Variants in MEF2A observed in about 807,000 individuals in gnomAD.
MEF2A encodes the protein myocyte-specific enhancer factor 2A.
A neutral mutation model predicts 55.8 loss-of-function variants in MEF2A; 28 were observed. That is an observed-to-expected ratio of 0.50 (90% CI 0.37 to 0.69). The LOEUF (loss-of-function observed/expected upper bound fraction) is 0.69, where lower values mean the gene tolerates loss of function less well. Among genes scored for constraint, MEF2A ranks in the 30% least tolerant of loss-of-function variants. The pLI is 0.00. For missense variants in MEF2A, 528 were observed against 626.2 expected (o/e 0.84, Z 1.67); for synonymous variants, 239 against 227.1 (o/e 1.05, Z -0.47).
chr15:99,628,035 A>AC (rs2042319570), intron 2 of MEF2A, among the ~76,000 whole-genome samples: 1 of 152,218 alleles, frequency 6.6e-6, no homozygotes, highest in African/African-American at 2.4e-5. Flanking sequence ...TACTTGAAAT[A>AC]ATGGGAAATA....
chr15:99,603,231 GT>G (rs1973917539), intron 2 of MEF2A, among the ~76,000 whole-genome samples: 1 of 151,870 alleles, frequency 6.6e-6, no homozygotes, highest in African/African-American at 2.4e-5. Flanking sequence ...CAAATATTTG[GT>G]TAATTTTCCA....
chr15:99,584,197 A>G (rs902555392), intron 1 of MEF2A, among the ~76,000 whole-genome samples: 2 of 152,212 alleles, frequency 1.3e-5, no homozygotes, highest in Non-Finnish European at 2.9e-5. Flanking sequence ...TATGTGGTTC[A>G]TTACTGACTG....
intron 1 of MEF2A, among the ~76,000 whole-genome samples, chr15:99,575,427 T>C (rs1963958982): frequency 6.6e-6 from 1 of 152,224 alleles, no homozygotes; most frequent in African/African-American, 2.4e-5. Context: ...CAGGTGCTTC[T>C]TTGTAATTAG....
intron 5 of MEF2A, 134 bp from the exon 6 acceptor site, chr15:99,674,259 G>A: frequency 1.4e-6 from 1 of 700,852 alleles, no homozygotes; most frequent in Non-Finnish European, 2.3e-6. Context: ...GCTTTAATCT[G>A]TAAATTGGTT....
intron 4 of MEF2A, among the ~76,000 whole-genome samples, chr15:99,666,058 A>G (rs2049621256): frequency 6.6e-6 from 1 of 152,132 alleles, no homozygotes; most frequent in Non-Finnish European, 1.5e-5. Context: ...AACTAGAAAT[A>G]CCATTTGACC....
At chr15:99,626,414 A>G (rs1019744721) in intron 2 of MEF2A, among the ~76,000 whole-genome samples, 2 of 151,476 alleles carry the variant, frequency 1.3e-5, no homozygotes, top group Non-Finnish European at 2.9e-5. Context: ...TTGAAGAATC[A>G]ACTTTTGGCT....
chr15:99,629,383 G>A (rs1358515883), intron 2 of MEF2A, among the ~76,000 whole-genome samples: 2 of 152,380 alleles, frequency 1.3e-5, no homozygotes, highest in Middle Eastern at 3.4e-3. Flanking sequence ...GGGCACGAGA[G>A]CCTTTATTCC....
chr15:99,612,915 GAAA>G (rs80233565), intron 2 of MEF2A, among the ~76,000 whole-genome samples: 2 of 133,014 alleles, frequency 1.5e-5, no homozygotes, highest in African/African-American at 2.8e-5. Flanking sequence ...TTTAGCAAGT[GAAA>G]AAAAAAAAAG....
chr15:99,590,415 G>C (rs980932254), intron 1 of MEF2A, among the ~76,000 whole-genome samples: 1 of 147,534 alleles, frequency 6.8e-6, no homozygotes, highest in Non-Finnish European at 1.5e-5. Context: ...TACTTAATCT[G>C]ACAATCTCTA....
intron 7 of MEF2A, 40 bp downstream of exon 7, chr15:99,675,498 C>T (rs779840466): frequency 1.3e-6 from 2 of 1,522,172 alleles, no homozygotes; most frequent in Non-Finnish European, 1.8e-6. Flanking sequence ...AGGTATCTAT[C>T]CTATATGAGA....
At chr15:99,639,159 G>A (rs2044435525) in intron 3 of MEF2A, among the ~76,000 whole-genome samples, 1 of 152,118 alleles carries the variant, frequency 6.6e-6, no homozygotes, top group African/African-American at 2.4e-5. Flanking sequence ...ACATATGTCA[G>A]TGCTGACACA....
intron 8 of MEF2A, among the ~76,000 whole-genome samples, chr15:99,697,730 C>T (rs1405733597): frequency 6.6e-6 from 1 of 152,052 alleles, no homozygotes; most frequent in African/African-American, 2.4e-5. Flanking sequence ...CAAGCTGATT[C>T]TAAAATATAT....
At chr15:99,655,218 T>G (rs2047505992) in intron 4 of MEF2A, among the ~76,000 whole-genome samples, 1 of 152,154 alleles carries the variant, frequency 6.6e-6, no homozygotes, top group African/African-American at 2.4e-5. Context: ...TACCCACATA[T>G]ACATGGTTAA....
intron 9 of MEF2A, among the ~76,000 whole-genome samples, chr15:99,703,823 C>T (rs748686072): frequency 6.6e-6 from 1 of 152,088 alleles, no homozygotes; most frequent in Non-Finnish European, 1.5e-5. Flanking sequence ...CCTTTTTCAG[C>T]GTTGGAATTA....
intron 10 of MEF2A, among the ~76,000 whole-genome samples, 190 bp downstream of exon 10, chr15:99,707,045 T>C (rs1444777981): frequency 3.3e-5 from 5 of 152,310 alleles, no homozygotes; most frequent in Admixed American, 2.6e-4. Flanking sequence ...GTGTGGATAG[T>C]GCGATGAGTA....
intron 2 of MEF2A, among the ~76,000 whole-genome samples, chr15:99,618,299 T>C (rs967736226): frequency 6.6e-6 from 1 of 152,204 alleles, no homozygotes; most frequent in South Asian, 2.1e-4. Context: ...GACTGGCTTA[T>C]ATTCTTGAAA....
chr15:99,664,626 G>GA (rs1596962810), intron 4 of MEF2A, among the ~76,000 whole-genome samples: 1 of 152,154 alleles, frequency 6.6e-6, no homozygotes, highest in African/African-American at 2.4e-5. Context: ...GGGGACAGTA[G>GA]AAATGGAAAT....
chr15:99,634,039 A>G (rs547176013), intron 3 of MEF2A, among the ~76,000 whole-genome samples: 11 of 152,356 alleles, frequency 7.2e-5, no homozygotes, highest in Middle Eastern at 3.4e-3. Flanking sequence ...ATTTCATAGC[A>G]TATTATAAAG....
intron 8 of MEF2A, 128 bp from the exon 9 acceptor site, chr15:99,703,232 GTA>G (rs1260522579): frequency 2.7e-5 from 20 of 753,684 alleles, no homozygotes; most frequent in Non-Finnish European, 4.6e-5. Context: ...TATCTGTTGT[GTA>G]TATAATCGTC....
Sources: allele counts gnomAD v4.1 joint callset (sites outside exome capture counted in the v4.1 genomes callset), GRCh38; gene constraint gnomAD v4.1.1; transcripts MANE v1.5; gene names NCBI Gene and HGNC (gene_info 2026-07-23, HGNC 2026-07-21).